CD5: variants seen among roughly 807,000 people sequenced by gnomAD.
The protein encoded by CD5 is CD5 molecule.
A neutral mutation model predicts 60.3 loss-of-function variants in CD5; 36 were observed. That is an observed-to-expected ratio of 0.60 (90% CI 0.46 to 0.79). The LOEUF (loss-of-function observed/expected upper bound fraction) is 0.79. Ranked by LOEUF, CD5 falls within the 30% of genes least tolerant of loss-of-function variation. CD5 has a pLI of 0.00. For synonymous variants in CD5, 230 were observed against 257.6 expected (o/e 0.89, Z 1.03); for missense variants, 540 against 630.6 (o/e 0.86, Z 1.54).
chr11:61,099,820 A>G (rs1178041708), upstream of CD5, among the ~76,000 whole-genome samples: 1 of 151,602 alleles, frequency 6.6e-6, no homozygotes, highest in Admixed American at 6.6e-5. Flanking sequence ...ACACACATCA[A>G]CCCCAACATG....
chr11:61,099,263 G>A (rs564157752), upstream of CD5, among the ~76,000 whole-genome samples: 31 of 144,266 alleles, frequency 2.1e-4, no homozygotes, highest in South Asian at 6.3e-3. Flanking sequence ...CACACATATC[G>A]AATGGGGATT....
chr11:61,114,935 C>G, intron 1 of CD5, 121 bp from the exon 2 acceptor site: 2 of 850,712 alleles, frequency 2.4e-6, no homozygotes, highest in Non-Finnish European at 3.7e-6. Context: ...GTCCCTAAAA[C>G]CCATGATAGT....
intron 9 of CD5, 116 bp from the exon 10 acceptor site, chr11:61,125,634 GT>G (rs1450960498): frequency 3.2e-6 from 2 of 617,292 alleles, no homozygotes; most frequent in Non-Finnish European, 5.6e-6. Context: ...ATAAGGGGTT[GT>G]CACCGGCTCA....
intron 7 of CD5, 72 bp from the exon 8 acceptor site, chr11:61,123,812 T>TCCCCCCCCCCCCCCCCCCCCC: frequency 2.9e-6 from 1 of 339,974 alleles, no homozygotes; most frequent in Non-Finnish European, 5.5e-6. Flanking sequence ...CCCAGCCCCA[T>TCCCCCCCCCCCCCCCCCCCCC]CCCCACCCCT....
upstream of CD5, among the ~76,000 whole-genome samples, chr11:61,098,661 C>T (rs972418046): frequency 1.3e-4 from 20 of 152,182 alleles, no homozygotes; most frequent in African/African-American, 4.6e-4. Context: ...CTTGCTCAAT[C>T]GATCATGACC....
At chr11:61,112,744 C>A (rs1464787980) in intron 1 of CD5, among the ~76,000 whole-genome samples, 1 of 152,226 alleles carries the variant, frequency 6.6e-6, no homozygotes, top group Non-Finnish European at 1.5e-5. Flanking sequence ...GAATAACCTT[C>A]CCCTTCCAAG....
upstream of CD5, among the ~76,000 whole-genome samples, chr11:61,101,370 C>T (rs1860682004): frequency 3.1e-5 from 3 of 97,656 alleles, no homozygotes; most frequent in Non-Finnish European, 4.3e-5. Flanking sequence ...AGATCACACA[C>T]ACACATCAAC....
Position 61,123,872 on chromosome 11 carries a change from T to G in CD5, c.1226-12T>G. The stretch of plus-strand genomic sequence containing the variant: ...CCACCACTCTGATGTGCCTTTCTTG[T>G]CTCTTGCCCAGTCCGCCAGAAGAAG... On this transcript the variant is annotated splice_polypyrimidine_tract_variant and intron_variant, in intron 7 of 10. Transcript: ENST00000347785. 1 of 1,608,784 alleles carries G rather than the reference T, an allele frequency of 6.2e-7. No individual in the cohort carries two copies. Among genetic ancestry groups the G allele is most frequent in the Non-Finnish European group, 8.5e-7 (1 of 1,177,936 alleles).
upstream of CD5, among the ~76,000 whole-genome samples, chr11:61,098,928 A>AC (rs1181788147): frequency 6.6e-6 from 1 of 152,156 alleles, no homozygotes; most frequent in African/African-American, 2.4e-5. Context: ...GTGGACCTGG[A>AC]CCAGTGATCA....
chr11:61,105,316 G>C (rs1304642230), intron 1 of CD5, among the ~76,000 whole-genome samples: 2 of 152,242 alleles, frequency 1.3e-5, no homozygotes, highest in African/African-American at 4.8e-5. Flanking sequence ...CCAGCACTGG[G>C]ACGTGGGAAA....
intron 6 of CD5, 133 bp downstream of exon 6, chr11:61,122,037 G>A (rs962166023): frequency 2.7e-6 from 2 of 729,692 alleles, no homozygotes; most frequent in Non-Finnish European, 4.1e-6. Context: ...AAAGGATGGA[G>A]ACAGGGAAAT....
In CD5 at chr11:61,123,946, C is replaced by T. The variant is rs1483200442; in HGVS notation, c.1279+9C>T. The T allele has an allele frequency of 1.9e-6, 3 of 1,611,344 alleles. No homozygotes were observed. The Admixed American group carries it at 5.0e-5, about 27-fold the overall frequency. On this transcript the variant is annotated intron_variant, in intron 8 of 10. Transcript: ENST00000347785. ...GGGAATGAACCAAAACAGTAAGTGT[C>T]CCCGGAGGCAGGAGCCTCCCTCAGG...
chr11:61,102,483 G>A, upstream of CD5: 2 of 1,003,946 alleles, frequency 2.0e-6, no homozygotes, highest in Non-Finnish European at 2.9e-6. Flanking sequence ...CTCCCTCTCT[G>A]AGAGCGAGAT....
upstream of CD5, among the ~76,000 whole-genome samples, chr11:61,100,972 ATT>A (rs1254780243): frequency 7.1e-5 from 9 of 126,364 alleles, no homozygotes; most frequent in East Asian, 2.8e-4. Context: ...TGGAGATCAC[ATT>A]CACACACATC....
intron 1 of CD5, among the ~76,000 whole-genome samples, chr11:61,105,003 G>A (rs1860757800): frequency 6.6e-6 from 1 of 152,242 alleles, no homozygotes; most frequent in Admixed American, 6.5e-5. Flanking sequence ...GACACCAAGG[G>A]CCAGGGTTGC....
At position 61,121,971 on chromosome 11, in the gene CD5, T is replaced by C. The variant is rs528643191; in HGVS notation, c.1099+67T>C. 20 of 1,388,182 alleles carry C rather than the reference T, an allele frequency of 1.4e-5. No homozygotes were observed. In the African/African-American group the frequency reaches 2.9e-4, roughly 20 times the overall value. 86.0% of individuals were successfully genotyped at this position (1,388,182 alleles called of 1,614,324 possible). A position where few individuals can be genotyped will look rare whatever the true frequency, so the allele number is the denominator to read the frequency against. On this transcript the variant is annotated intron_variant, in intron 6 of 10. Transcript: ENST00000347785. ...CTTTACCTCTAGGACCCGGTCAGGG[T>C]GCATGTCTCTAAAGGGAAGCCCTGG...
chr11:61,109,919 G>C (rs932442490), intron 1 of CD5, among the ~76,000 whole-genome samples: 3 of 152,076 alleles, frequency 2.0e-5, no homozygotes, highest in Non-Finnish European at 2.9e-5. Flanking sequence ...ATAAGGAAAC[G>C]GCATAGCACT....
At chr11:61,121,054 C>A (rs895087637) in intron 5 of CD5, among the ~76,000 whole-genome samples, 8 of 152,328 alleles carry the variant, frequency 5.3e-5, no homozygotes, top group African/African-American at 1.4e-4. Context: ...ATGTGTGCCT[C>A]TGTTGAGCCA....
chr11:61,116,166 T>C (rs962299233), intron 2 of CD5, among the ~76,000 whole-genome samples: 1 of 152,040 alleles, frequency 6.6e-6, no homozygotes, highest in East Asian at 1.9e-4. Context: ...TGGGAGAGCC[T>C]TTCACATTTC....
Sources: allele counts gnomAD v4.1 joint callset (sites outside exome capture counted in the v4.1 genomes callset), GRCh38; gene constraint gnomAD v4.1.1; transcripts MANE v1.5; gene names NCBI Gene and HGNC (gene_info 2026-07-23, HGNC 2026-07-21).